KHDRBS2: variants seen among roughly 807,000 people sequenced by gnomAD.
KHDRBS2 encodes the protein KH domain-containing, RNA-binding, signal transduction-associated protein 2.
KHDRBS2 carries 26 observed loss-of-function variants against 44.3 expected under a neutral mutation model. The observed-to-expected ratio is 0.59, with a 90% confidence interval of 0.43 to 0.81. The LOEUF (loss-of-function observed/expected upper bound fraction) is 0.81. KHDRBS2 is among the 40% of genes least tolerant of loss of function. The pLI is 0.00. For synonymous variants in KHDRBS2, 194 were observed against 151.1 expected (o/e 1.28, Z -2.08); for missense variants, 476 against 433.1 (o/e 1.10, Z -0.88).
chr6:62,197,710 C>T (rs1221059497), intron 1 of KHDRBS2, among the ~76,000 whole-genome samples: 15 of 152,050 alleles, frequency 9.9e-5, no homozygotes, highest in Non-Finnish European at 2.1e-4. Flanking sequence ...TATCCAGGAA[C>T]TGAACTCAGC....
intron 2 of KHDRBS2, among the ~76,000 whole-genome samples, chr6:62,138,330 T>C (rs1812020011): frequency 6.6e-6 from 1 of 152,238 alleles, no homozygotes; most frequent in Non-Finnish European, 1.5e-5. Context: ...TCAGATAATT[T>C]GAAGATGCAG....
intron 3 of KHDRBS2, among the ~76,000 whole-genome samples, chr6:62,022,014 TAC>T (rs1479012664): frequency 6.7e-6 from 1 of 148,622 alleles, no homozygotes; most frequent in African/African-American, 2.5e-5. Context: ...TATATATATA[TAC>T]ACACACACAA....
chr6:61,825,773 G>A (rs750816398), intron 6 of KHDRBS2, among the ~76,000 whole-genome samples: 5 of 152,138 alleles, frequency 3.3e-5, no homozygotes, highest in South Asian at 4.2e-4. Context: ...GTGGGCTAGG[G>A]AAAGCGACTT....
At chr6:61,742,145 G>C (rs945524900) in intron 6 of KHDRBS2, among the ~76,000 whole-genome samples, 2 of 151,886 alleles carry the variant, frequency 1.3e-5, no homozygotes, top group African/African-American at 4.8e-5. Flanking sequence ...GCACAAAAGT[G>C]ATTTGCAAAT....
At chr6:61,677,317 G>A (rs1335034521), downstream of KHDRBS2, among the ~76,000 whole-genome samples, 1 of 151,854 alleles carries the variant, frequency 6.6e-6, no homozygotes, top group Non-Finnish European at 1.5e-5. Context: ...GGATGTCTGG[G>A]TGAGAGATTC....
In KHDRBS2 at chr6:61,771,379, G is replaced by A. The variant is rs537505435; in HGVS notation, c.811-38615C>T. On this transcript the variant is annotated intron_variant, in intron 6 of 8. Transcript: ENST00000281156. Reference sequence around the variant, plus strand: ...AATGGGCTAAATGCTCCAATTAAAAGACACAGACTGGCAAATTGGATAAAG... The same window carrying A: ...AATGGGCTAAATGCTCCAATTAAAAAACACAGACTGGCAAATTGGATAAAG... Among the ~76,000 whole-genome samples the A allele has an allele frequency of 2.0e-5, 3 of 152,232 alleles. No individual in the cohort carries two copies. The South Asian group carries it at 6.2e-4, about 32-fold the overall frequency.
Position 61,680,840 on chromosome 6 carries a change from C to T in KHDRBS2, c.*123G>A. On this transcript the variant is annotated 3_prime_UTR_variant, in exon 9 of 9. Coordinates refer to ENST00000281156, the MANE Select transcript of KHDRBS2 (RefSeq NM_152688.4). The stretch of plus-strand genomic sequence containing the variant: ...AGAAATATATGGGAGTAATCATGAG[C>T]AGTTATCCCTAGAATAGAAACAAAC... 1.6e-6 allele frequency: 1 copy of T among 612,964 alleles called. No homozygotes were observed. The highest frequency in any genetic ancestry group is 2.9e-6 in the Non-Finnish European group (1 of 339,650). 38.0% of individuals were successfully genotyped at this position (612,964 alleles called of 1,614,324 possible).
At chr6:61,975,280 T>C (rs1020003805) in intron 4 of KHDRBS2, among the ~76,000 whole-genome samples, 4 of 152,142 alleles carry the variant, frequency 2.6e-5, no homozygotes, top group African/African-American at 9.7e-5. Flanking sequence ...AAGATGTCAG[T>C]GGAATTCCAG....
intron 2 of KHDRBS2, among the ~76,000 whole-genome samples, chr6:62,049,996 T>C (rs1204384844): frequency 6.6e-6 from 1 of 152,052 alleles, no homozygotes; most frequent in Non-Finnish European, 1.5e-5. Flanking sequence ...CACACTTATG[T>C]TTATTGCAGC....
At chr6:62,143,834 GT>G (rs1276161587) in intron 2 of KHDRBS2, among the ~76,000 whole-genome samples, 1 of 151,874 alleles carries the variant, frequency 6.6e-6, no homozygotes, top group Non-Finnish European at 1.5e-5. Context: ...ATGGATTCAT[GT>G]TGACAGTACT....
chr6:62,233,404 C>G (rs1357300018), intron 1 of KHDRBS2, among the ~76,000 whole-genome samples: 1 of 152,128 alleles, frequency 6.6e-6, no homozygotes, highest in African/African-American at 2.4e-5. Context: ...CTAACCAATA[C>G]AGTTAAATGT....
chr6:61,757,015 T>A (rs1480809924), intron 6 of KHDRBS2, among the ~76,000 whole-genome samples: 1 of 152,264 alleles, frequency 6.6e-6, no homozygotes, highest in Non-Finnish European at 1.5e-5. Flanking sequence ...CGTAATTATT[T>A]GGAGCTTCCT....
At chr6:62,272,571 C>T (rs1840259463) in intron 1 of KHDRBS2, among the ~76,000 whole-genome samples, 1 of 152,236 alleles carries the variant, frequency 6.6e-6, no homozygotes, top group South Asian at 2.1e-4. Context: ...GCTTCACTGA[C>T]CCCAATGGAG....
intron 2 of KHDRBS2, among the ~76,000 whole-genome samples, chr6:62,151,321 T>C (rs985029831): frequency 1.3e-5 from 2 of 152,164 alleles, no homozygotes; most frequent in Admixed American, 1.3e-4. Flanking sequence ...TGGATTCACA[T>C]AGGGTCACAC....
intron 6 of KHDRBS2, among the ~76,000 whole-genome samples, chr6:61,774,550 C>T (rs1476188078): frequency 3.3e-5 from 5 of 152,086 alleles, no homozygotes; most frequent in Non-Finnish European, 7.4e-5. Context: ...TTTACAATTG[C>T]TTCAAAGAGA....
At chr6:62,079,231 T>A (rs1796934404) in intron 2 of KHDRBS2, among the ~76,000 whole-genome samples, 1 of 152,132 alleles carries the variant, frequency 6.6e-6, no homozygotes, top group African/African-American at 2.4e-5. Context: ...TTATTTTAAA[T>A]GAAAAGTGTT....
intron 2 of KHDRBS2, among the ~76,000 whole-genome samples, chr6:62,125,262 C>A (rs1455060377): frequency 6.6e-6 from 1 of 152,154 alleles, no homozygotes; most frequent in East Asian, 1.9e-4. Context: ...CAATAGAAAG[C>A]AACATCGAGA....
intron 7 of KHDRBS2, among the ~76,000 whole-genome samples, chr6:61,697,819 C>T (rs1387802690): frequency 6.6e-6 from 1 of 152,054 alleles, no homozygotes; most frequent in African/African-American, 2.4e-5. Flanking sequence ...TCAAAGGAAA[C>T]TCTCTCTCTG....
intron 2 of KHDRBS2, among the ~76,000 whole-genome samples, chr6:62,061,992 A>C (rs1792053626): frequency 6.6e-6 from 1 of 151,696 alleles, no homozygotes; most frequent in African/African-American, 2.4e-5. Context: ...TGCATTCTTC[A>C]CGTAGTTCTC....
Sources: allele counts gnomAD v4.1 joint callset (sites outside exome capture counted in the v4.1 genomes callset), GRCh38; gene constraint gnomAD v4.1.1; transcripts MANE v1.5; gene names NCBI Gene and HGNC (gene_info 2026-07-23, HGNC 2026-07-21).